The following PPP3CC variants were observed in gnomAD, a reference collection of about 807,000 sequenced individuals.
The protein encoded by PPP3CC is protein phosphatase 3 catalytic subunit gamma.
In PPP3CC, 35 loss-of-function variants were observed where a neutral mutation model predicts 60.3. The observed-to-expected ratio is 0.58, with a 90% confidence interval of 0.44 to 0.77. The LOEUF (loss-of-function observed/expected upper bound fraction) is 0.77, where lower values mean the gene tolerates loss of function less well. Ranked by LOEUF, PPP3CC falls within the 30% of genes least tolerant of loss-of-function variation. The pLI is 0.00. For missense variants in PPP3CC, 570 were observed against 628.9 expected, an observed-to-expected ratio of 0.91 and a Z score of 1.00; for synonymous variants, 206 against 224.3, an observed-to-expected ratio of 0.92 and a Z score of 0.73.
intron 4 of PPP3CC, among the ~76,000 whole-genome samples, chr8:22,508,788 T>C (rs1838999322): frequency 6.6e-6 from 1 of 152,172 alleles, no homozygotes; most frequent in African/African-American, 2.4e-5. Context: ...GACCACAAAT[T>C]AAAGAGTTTT....
At chr8:22,467,880 C>A (rs1837594285) in intron 1 of PPP3CC, among the ~76,000 whole-genome samples, 1 of 152,206 alleles carries the variant, frequency 6.6e-6, no homozygotes, top group African/African-American at 2.4e-5. Context: ...GTGGCACCTT[C>A]TATGTGTCCT....
chr8:22,479,756 AAAAAG>A (rs1418252603), intron 3 of PPP3CC, among the ~76,000 whole-genome samples: 9 of 151,610 alleles, frequency 5.9e-5, no homozygotes, highest in African/African-American at 1.7e-4. Context: ...AAAAAAAAAA[AAAAAG>A]AAAAGAAAAG....
At chr8:22,485,541 G>A (rs1838199301) in intron 3 of PPP3CC, among the ~76,000 whole-genome samples, 1 of 152,156 alleles carries the variant, frequency 6.6e-6, no homozygotes. Flanking sequence ...GGAAAAAGAG[G>A]CAACTTGCAG....
chr8:22,508,875 G>A (rs1265814251), intron 4 of PPP3CC, among the ~76,000 whole-genome samples: 1 of 152,196 alleles, frequency 6.6e-6, no homozygotes, highest in East Asian at 1.9e-4. Context: ...TTAAAACAAA[G>A]CAGAGTATAA....
chr8:22,468,384 C>T (rs1320085837), intron 1 of PPP3CC, among the ~76,000 whole-genome samples: 3 of 152,168 alleles, frequency 2.0e-5, no homozygotes, highest in Non-Finnish European at 2.9e-5. Flanking sequence ...TGATTACAGG[C>T]GTGAGCCACT....
intron 3 of PPP3CC, among the ~76,000 whole-genome samples, chr8:22,492,450 T>C (rs1838433949): frequency 6.6e-6 from 1 of 152,198 alleles, no homozygotes; most frequent in East Asian, 1.9e-4. Context: ...TCTTCAATAA[T>C]AAATTAGCCT....
chr8:22,517,458 T>G (rs1418002634), intron 6 of PPP3CC, among the ~76,000 whole-genome samples: 1 of 152,162 alleles, frequency 6.6e-6, no homozygotes, highest in Non-Finnish European at 1.5e-5. Flanking sequence ...TTTTAATGAT[T>G]AATAGAATTC....
intron 10 of PPP3CC, among the ~76,000 whole-genome samples, chr8:22,528,831 T>C (rs1188030693): frequency 2.0e-5 from 3 of 152,248 alleles, no homozygotes; most frequent in Non-Finnish European, 4.4e-5. Context: ...TGCACATAGC[T>C]TTCCTCTGTA....
intron 6 of PPP3CC, among the ~76,000 whole-genome samples, chr8:22,519,415 T>C (rs1277434547): frequency 6.6e-6 from 1 of 152,226 alleles, no homozygotes; most frequent in Admixed American, 6.5e-5. Context: ...GGTTGCTTTC[T>C]GTTTTGTGGT....
In PPP3CC at chr8:22,513,393, A is replaced by G; in HGVS notation, c.731A>G (p.Tyr244Cys). The G allele has an allele frequency of 6.2e-7, 1 of 1,613,974 alleles. No homozygotes were observed. Among genetic ancestry groups the G allele is most frequent in the South Asian group, 1.1e-5 (1 of 91,056 alleles). The change falls in exon 6 of 14, where the codon TAT (tyrosine) becomes TGT (cysteine). Residue 244 changes from tyrosine to cysteine, a missense_variant. Physicochemically the swap from Tyr to Cys is radical, Grantham distance 194. Coordinates refer to ENST00000240139, the MANE Select transcript of PPP3CC (RefSeq NM_005605.5). ...DYGNEKTLEHYTHNTVRGCSY... is the reference protein window; with the variant it reads ...DYGNEKTLEHCTHNTVRGCSY... ...GGCAATGAGAAGACCTTGGAGCACT[A>G]TACCCACAACACTGTCCGAGGGTGC...
intron 3 of PPP3CC, among the ~76,000 whole-genome samples, chr8:22,489,619 ATATAATAAG>A (rs926987770): frequency 5.6e-5 from 8 of 142,032 alleles, no homozygotes; most frequent in African/African-American, 2.1e-4. Flanking sequence ...AATATATAAT[ATATAATAAG>A]TATATATTAC....
chr8:22,506,334 C>T (rs1283964809), intron 4 of PPP3CC, among the ~76,000 whole-genome samples: 1 of 152,058 alleles, frequency 6.6e-6, no homozygotes, highest in African/African-American at 2.4e-5. Context: ...TTTCAAGTGC[C>T]TTTAACTCAA....
At chr8:22,467,208 G>A (rs927074587) in intron 1 of PPP3CC, among the ~76,000 whole-genome samples, 2 of 152,028 alleles carry the variant, frequency 1.3e-5, no homozygotes, top group Admixed American at 6.6e-5. Context: ...AAAATTTATG[G>A]TATTTTAAGG....
At chr8:22,447,323 G>A (rs1836858880) in intron 1 of PPP3CC, among the ~76,000 whole-genome samples, 1 of 151,800 alleles carries the variant, frequency 6.6e-6, no homozygotes, top group African/African-American at 2.4e-5. Context: ...GGGACTACAG[G>A]CACCTGCCAC....
At chr8:22,484,888 C>T (rs1283211895) in intron 3 of PPP3CC, among the ~76,000 whole-genome samples, 5 of 152,272 alleles carry the variant, frequency 3.3e-5, no homozygotes, top group Middle Eastern at 3.4e-3. Flanking sequence ...TAAGAGGAGG[C>T]AGAGCGGGAG....
At chr8:22,488,250 T>G (rs58075908) in intron 3 of PPP3CC, among the ~76,000 whole-genome samples, 9,963 of 152,250 alleles carry the variant, frequency 0.065, 893 homozygotes, top group African/African-American at 0.2. Flanking sequence ...GTGAAAATTG[T>G]TATCTTGGTA....
chr8:22,492,881 T>A (rs914812747), intron 3 of PPP3CC: 1 of 1,111,724 alleles, frequency 9.0e-7, no homozygotes, highest in Non-Finnish European at 1.4e-6. Context: ...TTACAGGCCA[T>A]GCTGAGACAA....
chr8:22,531,209 GA>G, intron 10 of PPP3CC: 1 of 1,237,468 alleles, frequency 8.1e-7, no homozygotes, highest in Non-Finnish European at 1.1e-6. Context: ...ATTTCACTTT[GA>G]TTTTTTTTTC....
chr8:22,453,313 A>T (rs916107465), intron 1 of PPP3CC, among the ~76,000 whole-genome samples: 1 of 152,244 alleles, frequency 6.6e-6, no homozygotes, highest in South Asian at 2.1e-4. Context: ...TGAAATGAAG[A>T]TTTAAGAGTA....
Sources: gnomAD v4.1 joint callset for allele counts (sites outside exome capture counted in the v4.1 genomes callset) on GRCh38, gnomAD v4.1.1 for gene constraint, MANE v1.5 for transcripts, NCBI Gene and HGNC (gene_info 2026-07-23, HGNC 2026-07-21) for gene names.